PLCB1: variants seen among roughly 807,000 people sequenced by gnomAD.
PLCB1 encodes the protein phospholipase C beta 1.
PLCB1 carries 46 observed loss-of-function variants against 161.8 expected under a neutral mutation model. The observed-to-expected ratio is 0.28, with a 90% CI of 0.22 to 0.36. The LOEUF is 0.36. Among genes scored for constraint, PLCB1 ranks in the 10% least tolerant of loss-of-function variants. The probability of loss-of-function intolerance (pLI) is 1.00; values close to 1 mark genes in which losing one functional copy is unlikely to be tolerated. For missense variants in PLCB1, 1,016 were observed against 1,472.5 expected, an observed-to-expected ratio of 0.69 and a Z score of 5.07; for synonymous variants, 517 against 503.7, an observed-to-expected ratio of 1.03 and a Z score of -0.35.
intron 3 of PLCB1, among the ~76,000 whole-genome samples, chr20:8,592,889 A>G (rs1987193186): frequency 6.6e-6 from 1 of 152,148 alleles, no homozygotes; most frequent in Admixed American, 6.5e-5. Context: ...TGCAGTGGCC[A>G]TTCTCAATGC....
intron 2 of PLCB1, among the ~76,000 whole-genome samples, chr20:8,358,038 C>A (rs766962774): frequency 4.7e-5 from 7 of 150,214 alleles, no homozygotes; most frequent in Non-Finnish European, 1.0e-4. Flanking sequence ...AAACAGCAAG[C>A]CTTCATGATA....
intron 3 of PLCB1, among the ~76,000 whole-genome samples, chr20:8,538,536 A>G (rs1985144555): frequency 1.3e-5 from 2 of 152,118 alleles, no homozygotes; most frequent in South Asian, 2.1e-4. Context: ...TTTTGTAGAA[A>G]TGGAGTCTCC....
intron 2 of PLCB1, among the ~76,000 whole-genome samples, chr20:8,221,154 A>G (rs982499140): frequency 2.0e-5 from 3 of 152,166 alleles, no homozygotes; most frequent in Admixed American, 1.3e-4. Flanking sequence ...GATTATTACT[A>G]TAGACTAGAT....
At chr20:8,342,728 G>A (rs549453860) in intron 2 of PLCB1, among the ~76,000 whole-genome samples, 1 of 152,216 alleles carries the variant, frequency 6.6e-6, no homozygotes, top group Admixed American at 6.5e-5. Context: ...GGGTCCTCAC[G>A]GCACCCTTGT....
Position 8,481,952 on chromosome 20 carries a change from T to C in PLCB1, c.246+110502T>C, listed in dbSNP as rs573764609. Among the ~76,000 whole-genome samples, 251 of 152,076 alleles carry C rather than the reference T, an allele frequency of 1.7e-3. 2 individuals are homozygous for C. The highest frequency in any genetic ancestry group is 3.8e-3 in the Admixed American group (58 of 15,278). ...TAAGTATCATGATAACTTTCAGGAT[T>C]CGAATAAAATAATCACTTAATAGTG... On this transcript the variant is annotated intron_variant, in intron 3 of 31. Transcript: ENST00000338037.
intron 26 of PLCB1, among the ~76,000 whole-genome samples, chr20:8,768,453 C>T (rs971084168): frequency 1.3e-5 from 2 of 152,184 alleles, no homozygotes; most frequent in African/African-American, 4.8e-5. Flanking sequence ...TGACCTCATT[C>T]TATTACATTT....
chr20:8,656,246 A>G (rs192737389), intron 7 of PLCB1, among the ~76,000 whole-genome samples: 69 of 152,186 alleles, frequency 4.5e-4, no homozygotes, highest in Non-Finnish European at 7.4e-4. Flanking sequence ...CATTCAATCC[A>G]CAAATACGGG....
Position 8,170,270 on chromosome 20 carries a change from T to C in PLCB1, c.177+19899T>C, listed in dbSNP as rs141255612. Among the ~76,000 whole-genome samples the C allele has an allele frequency of 1.0e-3, 154 of 152,312 alleles. 1 individual carries two copies. Among genetic ancestry groups the C allele is most frequent in the African/African-American group, 3.5e-3 (146 of 41,564 alleles). On this transcript the variant is annotated intron_variant, in intron 2 of 31. Transcript: ENST00000338037. ...GGAGAAAATAGCAGGTATTTCTTTC[T>C]TTCTTTTTTTTTAAATAGACTATTT...
chr20:8,316,218 C>A (rs1040222443), intron 2 of PLCB1, among the ~76,000 whole-genome samples: 8 of 152,162 alleles, frequency 5.3e-5, no homozygotes, highest in Non-Finnish European at 7.3e-5. Context: ...GATGTTATTT[C>A]TGAATATGGC....
intron 3 of PLCB1, among the ~76,000 whole-genome samples, chr20:8,625,909 A>G (rs568896686): frequency 4.6e-5 from 7 of 152,220 alleles, no homozygotes; most frequent in African/African-American, 1.4e-4. Context: ...TTTAAAAAAT[A>G]TAAAACACCT....
At chr20:8,147,412 C>T (rs1167952541) in intron 1 of PLCB1, among the ~76,000 whole-genome samples, 1 of 152,202 alleles carries the variant, frequency 6.6e-6, no homozygotes, top group East Asian at 1.9e-4. Context: ...AGAGTCGCAA[C>T]CCATCTGCAG....
At chr20:8,362,886 G>A (rs1986590253) in intron 2 of PLCB1, among the ~76,000 whole-genome samples, 1 of 152,158 alleles carries the variant, frequency 6.6e-6, no homozygotes, top group Admixed American at 6.6e-5. Context: ...AAAAAAGTAA[G>A]TTTGGGGATA....
In PLCB1 at chr20:8,266,550, A is replaced by G. The variant is rs149346108; in HGVS notation, c.178-104832A>G. Reference sequence around the variant, plus strand: ...CCAAGAGCAAGCGTAGGAGGGAGCTACAAAGTTATAGGGCAAACGATGTGG... The same window carrying G: ...CCAAGAGCAAGCGTAGGAGGGAGCTGCAAAGTTATAGGGCAAACGATGTGG... On this transcript the variant is annotated intron_variant, in intron 2 of 31. Coordinates refer to ENST00000338037, the MANE Select transcript of PLCB1 (RefSeq NM_015192.4). Among the ~76,000 whole-genome samples, 302 of 152,336 alleles carry G rather than the reference A, an allele frequency of 2.0e-3. 2 individuals carry two copies. The highest frequency in any genetic ancestry group is 6.7e-3 in the African/African-American group (280 of 41,580).
intron 5 of PLCB1, among the ~76,000 whole-genome samples, chr20:8,646,640 G>A (rs952771295): frequency 1.3e-5 from 2 of 152,118 alleles, no homozygotes; most frequent in African/African-American, 4.8e-5. Context: ...CTGACATCCT[G>A]ATTCCATCCC....
chr20:8,327,909 C>T (rs59430770), intron 2 of PLCB1, among the ~76,000 whole-genome samples: 14,104 of 151,290 alleles, frequency 0.093, 1,266 homozygotes, highest in African/African-American at 0.23. Context: ...TATATATATA[C>T]ACACACACAA....
chr20:8,674,808 T>C (rs990937209), intron 9 of PLCB1, among the ~76,000 whole-genome samples: 1 of 152,180 alleles, frequency 6.6e-6, no homozygotes, highest in African/African-American at 2.4e-5. Flanking sequence ...TTCTCTGCCA[T>C]CCCTTTCTTC....
intron 2 of PLCB1, among the ~76,000 whole-genome samples, chr20:8,178,154 A>T (rs2051802234): frequency 6.6e-6 from 1 of 152,206 alleles, no homozygotes; most frequent in African/African-American, 2.4e-5. Context: ...GCTGCAATGA[A>T]CATACATGTG....
intron 2 of PLCB1, among the ~76,000 whole-genome samples, chr20:8,254,702 G>C (rs929865443): frequency 6.6e-6 from 1 of 151,954 alleles, no homozygotes; most frequent in Non-Finnish European, 1.5e-5. Context: ...ATACCGCTAC[G>C]AGGCACTTTT....
At chr20:8,730,069 G>A (rs527676354) in intron 18 of PLCB1, among the ~76,000 whole-genome samples, 13 of 151,872 alleles carry the variant, frequency 8.6e-5, no homozygotes, top group South Asian at 2.1e-4. Flanking sequence ...CAGGACTATC[G>A]TCAATTTTCT....
Sources: gnomAD v4.1 joint callset for allele counts (sites outside exome capture counted in the v4.1 genomes callset) on GRCh38, gnomAD v4.1.1 for gene constraint, MANE v1.5 for transcripts, NCBI Gene and HGNC (gene_info 2026-07-23, HGNC 2026-07-21) for gene names.